Variants in SMOC1 observed in about 807,000 individuals in gnomAD.
SMOC1 encodes the protein SPARC-related modular calcium-binding protein 1.
A neutral mutation model predicts 56.3 loss-of-function variants in SMOC1; 22 were observed. That is an observed-to-expected ratio of 0.39 (90% CI 0.28 to 0.56). The LOEUF is 0.56. Ranked by LOEUF, SMOC1 falls within the 20% of genes least tolerant of loss-of-function variation. The probability of loss-of-function intolerance (pLI) is 0.61; values close to 1 mark genes in which losing one functional copy is unlikely to be tolerated. For synonymous variants in SMOC1, 193 were observed against 215.0 expected (o/e 0.90, Z 0.89); for missense variants, 509 against 565.4 (o/e 0.90, Z 1.01).
At chr14:69,943,980 T>C (rs1227748868) in intron 1 of SMOC1, among the ~76,000 whole-genome samples, 1 of 152,246 alleles carries the variant, frequency 6.6e-6, no homozygotes, top group African/African-American at 2.4e-5. Context: ...GAATCTGGTC[T>C]GTGAGGATCA....
intron 1 of SMOC1, among the ~76,000 whole-genome samples, chr14:69,937,470 C>T (rs973634789): frequency 2.6e-5 from 4 of 152,306 alleles, no homozygotes; most frequent in African/African-American, 2.4e-5. Flanking sequence ...ACTGATCTCC[C>T]GTTCCTGCCT....
At chr14:69,971,821 A>G (rs1489754126) in intron 3 of SMOC1, among the ~76,000 whole-genome samples, 1 of 152,206 alleles carries the variant, frequency 6.6e-6, no homozygotes, top group Non-Finnish European at 1.5e-5. Flanking sequence ...GTGAAAACAA[A>G]CATCTCCTTC....
At position 69,952,154 on chromosome 14, in the gene SMOC1, G is replaced by A. The variant is rs144555151; in HGVS notation, c.116G>A (p.Arg39His). Residue 39 changes from arginine to histidine, a missense_variant, in exon 2 of 12, where the codon CGT (arginine) becomes CAT (histidine). Physicochemically the swap from Arg to His is conservative, Grantham distance 29. This residue lies in a region of SMOC1 where 315 missense variants were observed against 333.1 expected (regional missense o/e 0.95). Transcript: ENST00000361956. ...TTGPRFLISD[R>H]DPQCNLHCSR... ...CCAACCTAGTTTCTAATAAGTGACCGTGACCCACAGTGCAACCTCCACTGC... is the reference window on the plus strand; with the variant it reads ...CCAACCTAGTTTCTAATAAGTGACCATGACCCACAGTGCAACCTCCACTGC... 63 of 1,614,070 alleles carry A rather than the reference G, an allele frequency of 3.9e-5. 1 individual carries two copies. In the South Asian group the frequency reaches 4.2e-4, roughly 11 times the overall value.
intron 1 of SMOC1, among the ~76,000 whole-genome samples, chr14:69,911,227 A>T (rs1331588994): frequency 6.6e-6 from 1 of 152,108 alleles, no homozygotes; most frequent in Non-Finnish European, 1.5e-5. Flanking sequence ...TTTTGGAGGG[A>T]TATCCAGACT....
chr14:69,879,642 C>G lies in SMOC1; in HGVS notation c.-37C>G. On this transcript the variant is annotated 5_prime_UTR_variant, in exon 1 of 12. Transcript: ENST00000361956. The stretch of plus-strand genomic sequence containing the variant: ...CTGTGCGCCCCGCGGAGCCCGCGAA[C>G]CCCGCTCGCTGCCGGCTGCCCAGCC... 1 of 1,452,988 alleles carries G rather than the reference C, an allele frequency of 6.9e-7. No homozygotes were observed. Among genetic ancestry groups the G allele is most frequent in the Non-Finnish European group, 9.0e-7 (1 of 1,106,482 alleles). 90.0% of individuals were successfully genotyped at this position (1,452,988 alleles called of 1,614,324 possible).
At chr14:70,008,378 A>G (rs1048596544) in intron 7 of SMOC1, among the ~76,000 whole-genome samples, 12 of 152,192 alleles carry the variant, frequency 7.9e-5, no homozygotes, top group Non-Finnish European at 1.2e-4. Context: ...GGGGTAAGCA[A>G]TCTGCCTGCC....
At chr14:69,892,874 A>T (rs1013917424) in intron 1 of SMOC1, among the ~76,000 whole-genome samples, 15 of 152,234 alleles carry the variant, frequency 9.9e-5, no homozygotes, top group African/African-American at 3.6e-4. Context: ...ATCAACATTC[A>T]AATTTCCTTG....
At position 69,879,479 on chromosome 14, in the gene SMOC1, C is replaced by A; in HGVS notation, c.-200C>A. ...GAGCTAGCGCCGCGCGCAGAGCACA[C>A]GCTCGCGCTCCAGCTCCCCTCCTGC... On this transcript the variant is annotated 5_prime_UTR_variant, in exon 1 of 12. Coordinates refer to ENST00000361956, the MANE Select transcript of SMOC1 (RefSeq NM_001034852.3). 1 of 417,718 alleles carries A rather than the reference C, an allele frequency of 2.4e-6. No individual in the cohort carries two copies. The highest frequency in any genetic ancestry group is 4.1e-6 in the Non-Finnish European group (1 of 241,278). The allele number at this position is 417,718 out of a possible 1,614,324, so 25.9% of individuals were successfully genotyped here. A position where few individuals can be genotyped will look rare whatever the true frequency, so the allele number is the denominator to read the frequency against.
intron 3 of SMOC1, among the ~76,000 whole-genome samples, chr14:69,970,290 G>C (rs982480361): frequency 6.6e-6 from 1 of 152,148 alleles, no homozygotes; most frequent in Admixed American, 6.5e-5. Context: ...CTCCTTCCTT[G>C]AGGTCTGAGA....
chr14:69,883,825 C>T (rs1018610808), intron 1 of SMOC1, among the ~76,000 whole-genome samples: 4 of 148,828 alleles, frequency 2.7e-5, no homozygotes, highest in African/African-American at 7.5e-5. Flanking sequence ...GCCATTCTAA[C>T]TGGAGTGAGG....
intron 1 of SMOC1, among the ~76,000 whole-genome samples, chr14:69,941,321 A>G (rs142098219): frequency 6.6e-6 from 1 of 152,136 alleles, no homozygotes; most frequent in East Asian, 1.9e-4. Context: ...TGGGGTAACC[A>G]CCTCTCAGGA....
At chr14:69,919,243 A>G (rs1038719589) in intron 1 of SMOC1, among the ~76,000 whole-genome samples, 25 of 152,198 alleles carry the variant, frequency 1.6e-4, no homozygotes, top group African/African-American at 6.0e-4. Context: ...ATTCTGGGAC[A>G]GAGAGCATGC....
chr14:70,023,018 C>T (rs1885786712), intron 10 of SMOC1, among the ~76,000 whole-genome samples, 185 bp from the exon 11 acceptor site: 1 of 152,138 alleles, frequency 6.6e-6, no homozygotes, highest in Non-Finnish European at 1.5e-5. Flanking sequence ...AAGAATGGTC[C>T]AATCTTAGGA....
chr14:69,893,758 T>C (rs1884023768), intron 1 of SMOC1, among the ~76,000 whole-genome samples: 1 of 152,174 alleles, frequency 6.6e-6, no homozygotes, highest in South Asian at 2.1e-4. Context: ...ATGGGCTGAA[T>C]TCTATCTCCT....
In SMOC1 at chr14:70,010,921, C is replaced by T. The variant is rs776638586; in HGVS notation, c.832C>T (p.Arg278Cys). 6.2e-6 allele frequency: 10 copies of T among 1,612,928 alleles called. No homozygotes were observed. The highest frequency in any genetic ancestry group is 6.8e-6 in the Non-Finnish European group (8 of 1,180,020). The change falls in exon 8 of 12, where the codon CGC (arginine) becomes TGC (cysteine). Residue 278 changes from arginine (R) to cysteine (C), a missense_variant. Around this residue, in one of 3 missense-constraint regions of SMOC1, gnomAD observed 18 missense variants for 44.2 expected, o/e 0.41. Coordinates refer to ENST00000361956, the MANE Select transcript of SMOC1 (RefSeq NM_001034852.3). Reference sequence around the variant, plus strand: ...CTGGTGTGTGCTGGTGGACACAGGGCGCCCGCTGCCTGGGACCTCCACACG... The same window carrying T: ...CTGGTGTGTGCTGGTGGACACAGGGTGCCCGCTGCCTGGGACCTCCACACG... ...YCWCVLVDTGRPLPGTSTRYV... is the reference protein window; with the variant it reads ...YCWCVLVDTGCPLPGTSTRYV...
chr14:69,885,702 C>T, intron 1 of SMOC1: 2 of 1,454,960 alleles, frequency 1.4e-6, no homozygotes, highest in Non-Finnish European at 1.9e-6. Flanking sequence ...TTGTTCTCCA[C>T]CAAGGTGGTG....
intron 1 of SMOC1, among the ~76,000 whole-genome samples, chr14:69,899,827 T>A (rs993935212): frequency 1.1e-4 from 17 of 152,184 alleles, no homozygotes; most frequent in Non-Finnish European, 2.1e-4. Context: ...CCTAAACTGT[T>A]GAGGTTTAGA....
At chr14:69,891,908 T>A (rs1314401239) in intron 1 of SMOC1, among the ~76,000 whole-genome samples, 1 of 152,206 alleles carries the variant, frequency 6.6e-6, no homozygotes, top group Non-Finnish European at 1.5e-5. Flanking sequence ...TTGAACTGAG[T>A]ATCTTTTATT....
At chr14:70,030,196 C>G (rs775966133) in intron 11 of SMOC1, 46 bp from the exon 12 acceptor site, 5 of 1,600,710 alleles carry the variant, frequency 3.1e-6, no homozygotes, top group Non-Finnish European at 4.3e-6. Flanking sequence ...TATATCTGCC[C>G]CCGACCTTTT....
Sources: allele counts gnomAD v4.1 joint callset (sites outside exome capture counted in the v4.1 genomes callset), GRCh38; gene constraint gnomAD v4.1.1; regional missense constraint gnomAD v4.1.1; transcripts MANE v1.5; gene names NCBI Gene and HGNC (gene_info 2026-07-23, HGNC 2026-07-21).